Variants in BCAS3 observed in about 807,000 individuals in gnomAD.
BCAS3 encodes BCAS3 microtubule associated cell migration factor.
BCAS3 carries 53 observed loss-of-function variants against 116.1 expected under a neutral mutation model. The observed-to-expected ratio is 0.46, with a 90% CI of 0.37 to 0.57. BCAS3 has a LOEUF of 0.57. Among genes scored for constraint, BCAS3 ranks in the 20% least tolerant of loss-of-function variants. BCAS3 has a pLI of 0.00. For synonymous variants in BCAS3, 391 were observed against 408.2 expected (o/e 0.96, Z 0.51); for missense variants, 917 against 1,165.4 (o/e 0.79, Z 3.10).
At chr17:60,764,847 C>T (rs1192499236) in intron 6 of BCAS3, among the ~76,000 whole-genome samples, 1 of 152,166 alleles carries the variant, frequency 6.6e-6, no homozygotes, top group Admixed American at 6.5e-5. Context: ...CTTTGTAGGT[C>T]TCTAAGGACT....
intron 5 of BCAS3, among the ~76,000 whole-genome samples, chr17:60,731,733 G>A (rs1401122051): frequency 6.6e-6 from 1 of 150,922 alleles, no homozygotes; most frequent in African/African-American, 2.4e-5. Flanking sequence ...ACAGAAAATT[G>A]AGGTGAAAAT....
intron 23 of BCAS3, among the ~76,000 whole-genome samples, chr17:61,385,387 AG>A (rs1257866605): frequency 6.6e-6 from 1 of 152,238 alleles, no homozygotes; most frequent in Non-Finnish European, 1.5e-5. Flanking sequence ...CCCTGGGTGC[AG>A]GCCCCTTGCT....
In BCAS3 at chr17:61,333,862, C is replaced by T. The variant is rs1173772207; in HGVS notation, c.2426-34465C>T. Among the ~76,000 whole-genome samples the T allele has an allele frequency of 2.6e-5, 4 of 152,068 alleles. No homozygotes were observed. Among genetic ancestry groups the T allele is most frequent in the Non-Finnish European group, 5.9e-5 (4 of 68,024 alleles). ...CTCAAACTCCTTACCTCAAGTGATC[C>T]GCCCATCTCGGCCTCCCAAAGTGCT... On this transcript the variant is annotated intron_variant, in intron 22 of 23. Coordinates refer to ENST00000407086, the MANE Select transcript of BCAS3 (RefSeq NM_017679.5). The surrounding 1 kb of genome is among the most constrained non-coding windows in gnomAD (Gnocchi z 4.8).
At chr17:61,210,276 G>A (rs2081379754) in intron 22 of BCAS3, among the ~76,000 whole-genome samples, 1 of 152,188 alleles carries the variant, frequency 6.6e-6, no homozygotes, top group South Asian at 2.1e-4. Context: ...ATGCACAGGA[G>A]TAACTTATCT....
intron 22 of BCAS3, among the ~76,000 whole-genome samples, chr17:61,094,716 T>C (rs1437822853): frequency 6.6e-6 from 1 of 152,130 alleles, no homozygotes; most frequent in Non-Finnish European, 1.5e-5. Flanking sequence ...TGGTGGTGCA[T>C]GCTTGTAAGC....
At chr17:60,678,229 G>A (rs571264733) in intron 1 of BCAS3, among the ~76,000 whole-genome samples, 77 of 152,308 alleles carry the variant, frequency 5.1e-4, no homozygotes, top group Middle Eastern at 3.4e-3. Context: ...AGCAAGAATG[G>A]GATGAGAATG....
chr17:61,176,637 A>C (rs2079169468), intron 22 of BCAS3, among the ~76,000 whole-genome samples: 1 of 151,898 alleles, frequency 6.6e-6, no homozygotes, highest in Non-Finnish European at 1.5e-5. Context: ...GGTTCACTGC[A>C]GCCTCCACCT....
chr17:61,192,817 G>A (rs530966768), intron 22 of BCAS3, among the ~76,000 whole-genome samples: 1 of 152,280 alleles, frequency 6.6e-6, no homozygotes, highest in Non-Finnish European at 1.5e-5. Flanking sequence ...TAATAGAATA[G>A]CAATACCTTT....
chr17:61,179,871 TC>T (rs2079375685), intron 22 of BCAS3, among the ~76,000 whole-genome samples: 4 of 97,282 alleles, frequency 4.1e-5, no homozygotes, highest in East Asian at 3.4e-4. Flanking sequence ...TCTCTCTCTC[TC>T]TCTTTTTTTT....
chr17:61,361,201 AAAAAAG>A lies in BCAS3; in HGVS notation c.2426-7121_2426-7116del, dbSNP rs200695670. Among the ~76,000 whole-genome samples the A allele has an allele frequency of 8.0e-3, 1,213 of 152,204 alleles. 16 individuals carry two copies. The highest frequency in any genetic ancestry group is 0.028 in the African/African-American group (1,160 of 41,522). ...TGAGAGAGAAAAAGAATTAAAAAAA[AAAAAAG>A]AAAAGACCCAGACGGAGTAGCAACT... is the stretch of plus-strand genomic sequence containing the variant. On this transcript the variant is annotated intron_variant, in intron 22 of 23. Coordinates refer to ENST00000407086, the MANE Select transcript of BCAS3 (RefSeq NM_017679.5). The surrounding 1 kb of genome is among the most constrained non-coding windows in gnomAD (Gnocchi z 6.5).
intron 6 of BCAS3, among the ~76,000 whole-genome samples, chr17:60,787,169 G>T (rs2046350557): frequency 6.6e-6 from 1 of 152,028 alleles, no homozygotes; most frequent in African/African-American, 2.4e-5. Context: ...ATAATTTATG[G>T]TAGATAAATA....
chr17:60,832,718 T>G (rs2051045236), intron 7 of BCAS3, among the ~76,000 whole-genome samples: 1 of 152,192 alleles, frequency 6.6e-6, no homozygotes, highest in Non-Finnish European at 1.5e-5. Flanking sequence ...AAAGTGTGCT[T>G]TTCAAAATGA....
intron 22 of BCAS3, among the ~76,000 whole-genome samples, chr17:61,096,363 G>A (rs1273820230): frequency 6.6e-6 from 1 of 151,994 alleles, no homozygotes; most frequent in Non-Finnish European, 1.5e-5. Flanking sequence ...CCCAGCCTGG[G>A]CAATATAGTC....
rs1368197335 is a variant in BCAS3, at chr17:61,181,048, T to C, written c.2425+96484T>C. Among the ~76,000 whole-genome samples the C allele has an allele frequency of 6.6e-6, 1 of 151,872 alleles. No individual in the cohort carries two copies. The highest frequency in any genetic ancestry group is 2.4e-5 in the African/African-American group (1 of 41,322). On this transcript the variant is annotated intron_variant, in intron 22 of 23. Transcript: ENST00000407086. The surrounding 1 kb of genome is among the most constrained non-coding windows in gnomAD (Gnocchi z 5.0). The stretch of plus-strand genomic sequence containing the variant: ...GCCTGGGCAACAAAGTGAGAACCTG[T>C]CTCTGCAAAAAATTAAAATAAAAAA...
At chr17:61,242,704 G>A (rs2047620306) in intron 22 of BCAS3, among the ~76,000 whole-genome samples, 1 of 152,078 alleles carries the variant, frequency 6.6e-6, no homozygotes, top group African/African-American at 2.4e-5. Context: ...CCTTGTTTTT[G>A]CTTACATAAG....
rs912313858 is a variant in BCAS3 at position 60,969,004 on chromosome 17, G to T, written c.1222-20967G>T. 1.1e-4 allele frequency among the ~76,000 whole-genome samples: 17 copies of T among 148,628 alleles called. No individual in the cohort carries two copies. In the South Asian group the frequency reaches 3.1e-3, roughly 27 times the overall value. On this transcript the variant is annotated intron_variant, in intron 14 of 23. Coordinates refer to ENST00000407086, the MANE Select transcript of BCAS3 (RefSeq NM_017679.5). ...GTATAGTCACCATGAGTTGGGGGGG[G>T]AGATTTTCTGTGCTCTTGATGCCAG...
At chr17:60,936,989 T>G (rs2145207201) in intron 13 of BCAS3, among the ~76,000 whole-genome samples, 1 of 152,300 alleles carries the variant, frequency 6.6e-6, no homozygotes, top group Non-Finnish European at 1.5e-5. Context: ...TTTTATGGTT[T>G]TAGGTCTAAC....
In BCAS3 at chr17:61,008,894, C is replaced by T. The variant is rs1014805276; in HGVS notation, c.1487-6857C>T. Among the ~76,000 whole-genome samples, 1 of 151,894 alleles carries T rather than the reference C, an allele frequency of 6.6e-6. No homozygotes were observed. Among genetic ancestry groups the T allele is most frequent in the African/African-American group, 2.4e-5 (1 of 41,392 alleles). On this transcript the variant is annotated intron_variant, in intron 15 of 23. Transcript: ENST00000407086. The surrounding 1 kb of genome is among the most constrained non-coding windows in gnomAD (Gnocchi z 4.6). The stretch of plus-strand genomic sequence containing the variant: ...TGTCTTCTGAGGAGTGCCAGAGAGT[C>T]ACATTGACCTCGGGCTTCAGTGTGG...
chr17:60,975,734 T>G (rs2062301647), intron 14 of BCAS3, among the ~76,000 whole-genome samples: 1 of 152,222 alleles, frequency 6.6e-6, no homozygotes, highest in Admixed American at 6.5e-5. Context: ...ACTAATTTAT[T>G]TTCTGTATCT....
Sources: gnomAD v4.1 joint callset for allele counts (sites outside exome capture counted in the v4.1 genomes callset) on GRCh38, gnomAD v4.1.1 for gene constraint, Gnocchi (gnomAD v3.1) non-coding constraint, MANE v1.5 for transcripts, NCBI Gene and HGNC (gene_info 2026-07-23, HGNC 2026-07-21) for gene names.